The following KCNH1 variants were observed in gnomAD, a reference collection of about 807,000 sequenced individuals.
KCNH1 encodes potassium voltage-gated channel subfamily H member 1.
A neutral mutation model predicts 69.2 loss-of-function variants in KCNH1; 27 were observed. The ratio of observed to expected loss-of-function variants is 0.39; its 90% confidence interval spans 0.29 to 0.54. The LOEUF is 0.54. Among genes scored for constraint, KCNH1 ranks in the 20% least tolerant of loss-of-function variants. The pLI is 0.68. For synonymous variants in KCNH1, 456 were observed against 487.7 expected, an observed-to-expected ratio of 0.93 and a Z score of 0.86; for missense variants, 798 against 1,261.6, an observed-to-expected ratio of 0.63 and a Z score of 5.57.
intron 10 of KCNH1, among the ~76,000 whole-genome samples, chr1:210,761,624 C>A (rs1683526304): frequency 6.6e-6 from 1 of 151,988 alleles, no homozygotes; most frequent in African/African-American, 2.4e-5. Context: ...GGCTTCAAAC[C>A]AACAAAAGTA....
intron 7 of KCNH1, among the ~76,000 whole-genome samples, chr1:210,836,287 G>A (rs778803618): frequency 6.6e-5 from 10 of 152,062 alleles, no homozygotes; most frequent in Non-Finnish European, 1.5e-4. Context: ...AGGCATATAG[G>A]TAATAGAACT....
chr1:210,762,195 T>C (rs1343043294), intron 10 of KCNH1, among the ~76,000 whole-genome samples: 1 of 151,824 alleles, frequency 6.6e-6, no homozygotes, highest in South Asian at 2.1e-4. Context: ...AATAGAGACA[T>C]GACATACTAA....
At chr1:211,117,039 G>A (rs1038200402) in intron 1 of KCNH1, among the ~76,000 whole-genome samples, 1 of 152,174 alleles carries the variant, frequency 6.6e-6, no homozygotes, top group African/African-American at 2.4e-5. Flanking sequence ...GGTATTGAGA[G>A]GTCACCCACT....
At position 210,919,833 on chromosome 1, in the gene KCNH1, C is replaced by T. The variant is rs1312094404; in HGVS notation, c.1269G>A (p.Ala423=). The change falls in exon 7 of 11, where the codon GCG becomes GCA. Residue 423 remains alanine, a synonymous_variant. Transcript: ENST00000271751. This position sits in a 1 kb window ranked among gnomAD's most constrained non-coding sequence, Gnocchi z 4.2. The part of the protein sequence containing the change: ...IRNNSWLYQL[A]MDIGTPYQFN... ...ACTGGTAAGGGGTGCCAATGTCCAT[C>T]GCTAGTTGGTACAGCCAGCTGTTGT... The T allele has an allele frequency of 4.3e-6, 7 of 1,614,168 alleles. No individual in the cohort carries two copies. The highest frequency in any genetic ancestry group is 2.2e-5 in the South Asian group (2 of 91,070).
At position 211,133,009 on chromosome 1, in the gene KCNH1, C is replaced by G. The variant is rs1259025535; in HGVS notation, c.79+858G>C. 1 of 152,238 alleles carries G rather than the reference C, an allele frequency of 6.6e-6. No homozygotes were observed. Among genetic ancestry groups the G allele is most frequent in the Non-Finnish European group, 1.5e-5 (1 of 68,064 alleles). The allele number at this position is 152,238 out of a possible 1,614,324, so 9.4% of individuals were successfully genotyped here. On this transcript the variant is annotated intron_variant, in intron 1 of 10. Coordinates refer to ENST00000271751, the MANE Select transcript of KCNH1 (RefSeq NM_172362.3). The surrounding 1 kb of genome is among the most constrained non-coding windows in gnomAD (Gnocchi z 5.4). ...CTCCTAGGACTCTCGCCTCTCAAGG[C>G]TTCATGCTACCGTCGATCTTAATGC...
intron 1 of KCNH1, among the ~76,000 whole-genome samples, chr1:211,113,173 G>T (rs1190678983): frequency 2.6e-5 from 4 of 152,108 alleles, no homozygotes; most frequent in African/African-American, 9.7e-5. Flanking sequence ...TTTTACTCAT[G>T]AGGAACCTGA....
At chr1:210,717,977 T>G (rs1386280830) in intron 10 of KCNH1, among the ~76,000 whole-genome samples, 1 of 151,862 alleles carries the variant, frequency 6.6e-6, no homozygotes, top group Non-Finnish European at 1.5e-5. Context: ...CGTGGTGGTG[T>G]GCACCTTTAA....
chr1:210,705,299 G>A (rs180852328), intron 10 of KCNH1, among the ~76,000 whole-genome samples: 99 of 152,302 alleles, frequency 6.5e-4, no homozygotes, highest in Non-Finnish European at 1.2e-3. Context: ...CCCCTGAGTT[G>A]CTGACAAAGC....
intron 6 of KCNH1, among the ~76,000 whole-genome samples, chr1:210,997,529 C>T (rs1030605469): frequency 6.6e-5 from 10 of 152,160 alleles, no homozygotes; most frequent in Non-Finnish European, 1.5e-4. Context: ...ACCAAATCTA[C>T]GTCTGATTGG....
chr1:210,904,608 T>C (rs1687060746), intron 7 of KCNH1, among the ~76,000 whole-genome samples: 1 of 152,092 alleles, frequency 6.6e-6, no homozygotes, highest in Non-Finnish European at 1.5e-5. Flanking sequence ...TCTGAACCAA[T>C]TTTGGAAGCG....
chr1:211,031,141 A>G (rs1219165884), intron 5 of KCNH1, among the ~76,000 whole-genome samples: 2 of 152,224 alleles, frequency 1.3e-5, no homozygotes, highest in Non-Finnish European at 2.9e-5. Context: ...TAGAAAATCT[A>G]GAAGAAATGG....
At chr1:210,944,717 A>G (rs1233168532) in intron 6 of KCNH1, among the ~76,000 whole-genome samples, 1 of 152,234 alleles carries the variant, frequency 6.6e-6, no homozygotes, top group Non-Finnish European at 1.5e-5. Flanking sequence ...CCAAATCTAG[A>G]AAAGAAACAG....
chr1:210,774,301 A>G (rs1411339504), intron 10 of KCNH1, among the ~76,000 whole-genome samples: 3 of 152,202 alleles, frequency 2.0e-5, no homozygotes, highest in Non-Finnish European at 2.9e-5. Context: ...CAGCTAGGGC[A>G]TGAGGAAGGT....
At chr1:210,804,626 C>T (rs553642167) in intron 7 of KCNH1, among the ~76,000 whole-genome samples, 4 of 152,340 alleles carry the variant, frequency 2.6e-5, no homozygotes, top group African/African-American at 7.2e-5. Flanking sequence ...AGCTCTGCTA[C>T]GTGCCAAGCA....
At chr1:211,006,848 G>A (rs1038621270) in intron 6 of KCNH1, among the ~76,000 whole-genome samples, 2 of 152,056 alleles carry the variant, frequency 1.3e-5, no homozygotes, top group Middle Eastern at 3.4e-3. Context: ...AATTTTTAAT[G>A]TCATAAAAAG....
chr1:210,938,961 A>G (rs939496935), intron 6 of KCNH1, among the ~76,000 whole-genome samples: 3 of 152,182 alleles, frequency 2.0e-5, no homozygotes, highest in Non-Finnish European at 4.4e-5. Flanking sequence ...TCAGATATCA[A>G]TCATAGGAAT....
chr1:211,086,954 C>A (rs1690962909), intron 4 of KCNH1, among the ~76,000 whole-genome samples: 1 of 152,170 alleles, frequency 6.6e-6, no homozygotes, highest in Non-Finnish European at 1.5e-5. Flanking sequence ...CTCCCACAAT[C>A]TTTTCCTTAC....
Position 210,999,665 on chromosome 1 carries a change from G to A in KCNH1, c.1032+19118C>T, listed in dbSNP as rs539189071. Among the ~76,000 whole-genome samples, 67 of 152,332 alleles carry A rather than the reference G, an allele frequency of 4.4e-4. 1 individual carries two copies. Among genetic ancestry groups the A allele is most frequent in the African/African-American group, 1.5e-3 (63 of 41,570 alleles). Reference sequence around the variant, plus strand: ...GGGAATCCTCCCTAACTCATTTTATGAGGCCAGCATCATCCTCATACCAAA... The same window carrying A: ...GGGAATCCTCCCTAACTCATTTTATAAGGCCAGCATCATCCTCATACCAAA... On this transcript the variant is annotated intron_variant, in intron 6 of 10. Coordinates refer to ENST00000271751, the MANE Select transcript of KCNH1 (RefSeq NM_172362.3).
chr1:211,130,230 T>C (rs923656067), intron 1 of KCNH1, among the ~76,000 whole-genome samples: 3 of 152,166 alleles, frequency 2.0e-5, no homozygotes, highest in African/African-American at 7.2e-5. Flanking sequence ...CAAAATCAAA[T>C]AAAATATGGA....
Sources: allele counts gnomAD v4.1 joint callset (sites outside exome capture counted in the v4.1 genomes callset), GRCh38; gene constraint gnomAD v4.1.1; non-coding constraint Gnocchi (gnomAD v3.1); transcripts MANE v1.5; gene names NCBI Gene and HGNC (gene_info 2026-07-23, HGNC 2026-07-21).